Variants in CSMD1 observed in about 807,000 individuals in gnomAD.
CSMD1 encodes the protein CUB and sushi domain-containing protein 1.
CSMD1 carries 213 observed loss-of-function variants against 417.5 expected under a neutral mutation model. That is an observed-to-expected ratio of 0.51 (90% confidence interval 0.46 to 0.57). The LOEUF is 0.57. CSMD1 is among the 20% of genes least tolerant of loss of function. The pLI, the probability that CSMD1 is intolerant of heterozygous loss-of-function variation, is 0.00. For missense variants in CSMD1, 6,923 were observed against 4,529.7 expected, an observed-to-expected ratio of 1.53 and a Z score of -15.17; for synonymous variants, 2,862 against 1,736.8, an observed-to-expected ratio of 1.65 and a Z score of -16.11.
At chr8:3,890,770 G>C (rs2049304) in intron 5 of CSMD1, among the ~76,000 whole-genome samples, 82,274 of 151,920 alleles carry the variant, frequency 0.54, 25,306 homozygotes, top group Admixed American at 0.68. Context: ...GCTAATGTTT[G>C]AGCAAATTTT....
At chr8:4,068,624 T>G (rs1039148588) in intron 3 of CSMD1, among the ~76,000 whole-genome samples, 3 of 152,152 alleles carry the variant, frequency 2.0e-5, no homozygotes, top group Admixed American at 6.5e-5. Flanking sequence ...TCATATAATG[T>G]TACCATATCA....
intron 4 of CSMD1, among the ~76,000 whole-genome samples, chr8:4,021,960 C>G (rs1006585190): frequency 6.6e-6 from 1 of 151,854 alleles, no homozygotes; most frequent in Non-Finnish European, 1.5e-5. Flanking sequence ...CAACTAGCTT[C>G]AGTCAAGTGC....
intron 1 of CSMD1, among the ~76,000 whole-genome samples, chr8:4,873,100 T>C (rs186223167): frequency 3.3e-5 from 5 of 152,112 alleles, no homozygotes; most frequent in Non-Finnish European, 5.9e-5. Flanking sequence ...GTAACATGGT[T>C]ACCAAAATGA....
chr8:4,719,869 C>G (rs1054705789), intron 1 of CSMD1, among the ~76,000 whole-genome samples: 1 of 152,068 alleles, frequency 6.6e-6, no homozygotes, highest in African/African-American at 2.4e-5. Flanking sequence ...TGGGAAAGGA[C>G]TCCCTATGCA....
chr8:2,954,191 G>A, intron 65 of CSMD1, 33 bp downstream of exon 65: 2 of 1,311,124 alleles, frequency 1.5e-6, no homozygotes, highest in Non-Finnish European at 1.0e-6. Flanking sequence ...CACTTTATTG[G>A]ATTGAAATCT....
At chr8:4,501,114 G>T (rs1267335015) in intron 2 of CSMD1, among the ~76,000 whole-genome samples, 2 of 151,994 alleles carry the variant, frequency 1.3e-5, no homozygotes, top group East Asian at 1.9e-4. Flanking sequence ...ATGAAGAAAA[G>T]GAGTATCATG....
At chr8:4,935,899 T>C (rs1333301004) in intron 1 of CSMD1, among the ~76,000 whole-genome samples, 1 of 152,138 alleles carries the variant, frequency 6.6e-6, no homozygotes, top group Non-Finnish European at 1.5e-5. Context: ...GCTGTCTTCC[T>C]CCCCAGCAGG....
At chr8:2,949,412 G>GA in intron 67 of CSMD1, 26 bp from the exon 68 acceptor site, 2 of 1,306,506 alleles carry the variant, frequency 1.5e-6, no homozygotes, top group Non-Finnish European at 2.2e-6. Context: ...GAAAAGAAAA[G>GA]AAATAAAAAG....
intron 1 of CSMD1, among the ~76,000 whole-genome samples, chr8:4,882,345 G>C (rs867611115): frequency 6.6e-6 from 1 of 151,754 alleles, no homozygotes; most frequent in Non-Finnish European, 1.5e-5. Context: ...CGCCTGCTTG[G>C]TTTGCTTGGG....
intron 3 of CSMD1, among the ~76,000 whole-genome samples, chr8:4,228,138 C>T (rs1801475636): frequency 6.6e-6 from 1 of 152,200 alleles, no homozygotes; most frequent in Non-Finnish European, 1.5e-5. Context: ...TACCCTCCAT[C>T]CTGCATTAAA....
intron 3 of CSMD1, among the ~76,000 whole-genome samples, chr8:4,082,563 C>A (rs1800195014): frequency 6.6e-6 from 1 of 151,970 alleles, no homozygotes; most frequent in Admixed American, 6.6e-5. Flanking sequence ...ATTACAGACC[C>A]CGCTTCATTA....
At chr8:3,929,613 C>CT (rs1809997981) in intron 5 of CSMD1, among the ~76,000 whole-genome samples, 1 of 150,252 alleles carries the variant, frequency 6.7e-6, no homozygotes, top group South Asian at 2.2e-4. Flanking sequence ...ATTATTTTGT[C>CT]TTTAAAAGGA....
chr8:3,374,746 G>A (rs1159328944), intron 18 of CSMD1, among the ~76,000 whole-genome samples: 1 of 152,110 alleles, frequency 6.6e-6, no homozygotes, highest in African/African-American at 2.4e-5. Flanking sequence ...ACTCATTCCA[G>A]GATCCTACGG....
chr8:4,627,506 G>C (rs1221645701), intron 2 of CSMD1, among the ~76,000 whole-genome samples: 1 of 152,056 alleles, frequency 6.6e-6, no homozygotes, highest in Non-Finnish European at 1.5e-5. Context: ...TTTCTCAGAA[G>C]GTATTAAATA....
intron 47 of CSMD1, among the ~76,000 whole-genome samples, chr8:3,094,357 G>A (rs971422278): frequency 2.0e-5 from 3 of 152,000 alleles, no homozygotes; most frequent in South Asian, 2.1e-4. Flanking sequence ...CATTCACCTC[G>A]GTCTCCTAAA....
chr8:3,631,235 T>A (rs1468285410), intron 7 of CSMD1, among the ~76,000 whole-genome samples: 2 of 152,138 alleles, frequency 1.3e-5, no homozygotes, highest in African/African-American at 2.4e-5. Flanking sequence ...CGTAACACGA[T>A]CACAAACTGT....
At chr8:2,949,837 G>A (rs1802503953) in intron 67 of CSMD1, among the ~76,000 whole-genome samples, 1 of 152,064 alleles carries the variant, frequency 6.6e-6, no homozygotes, top group African/African-American at 2.4e-5. Flanking sequence ...GTGTTAAGGG[G>A]GATGTCTTAA....
chr8:4,070,395 T>A (rs998778842), intron 3 of CSMD1, among the ~76,000 whole-genome samples: 23 of 152,168 alleles, frequency 1.5e-4, no homozygotes, highest in Admixed American at 6.5e-5. Flanking sequence ...TCTCGCTGTG[T>A]CGCCCAGGCT....
chr8:3,840,831 G>A (rs766097398), intron 5 of CSMD1, among the ~76,000 whole-genome samples: 1 of 151,756 alleles, frequency 6.6e-6, no homozygotes, highest in South Asian at 2.1e-4. Context: ...AAGTAGCTGG[G>A]CGCCTGCCAC....
Sources: gnomAD v4.1 joint callset for allele counts (sites outside exome capture counted in the v4.1 genomes callset) on GRCh38, gnomAD v4.1.1 for gene constraint, MANE v1.5 for transcripts, NCBI Gene and HGNC (gene_info 2026-07-23, HGNC 2026-07-21) for gene names.